SPATA2: variants seen among roughly 807,000 people sequenced by gnomAD.
The protein encoded by SPATA2 is spermatogenesis-associated protein 2.
In SPATA2, 8 loss-of-function variants were observed where a neutral mutation model predicts 35.4. That is an observed-to-expected ratio of 0.23 (90% CI 0.13 to 0.41). The LOEUF is 0.41. Among genes scored for constraint, SPATA2 ranks in the 10% least tolerant of loss-of-function variants. The pLI is 1.00. For missense variants in SPATA2, 650 were observed against 698.7 expected (o/e 0.93, Z 0.79); for synonymous variants, 293 against 300.9 (o/e 0.97, Z 0.27).
intron 1 of SPATA2, chr20:49,913,670 T>C (rs1189869696): frequency 6.6e-6 from 1 of 152,162 alleles, no homozygotes; most frequent in African/African-American, 2.4e-5. Context: ...AAAATTCCTG[T>C]AGTAGCAAAA....
At chr20:49,914,496 C>A (rs973283505) in intron 1 of SPATA2, among the ~76,000 whole-genome samples, 2 of 152,158 alleles carry the variant, frequency 1.3e-5, no homozygotes, top group African/African-American at 2.4e-5. Flanking sequence ...TCAACCCCCT[C>A]CACCTCCCCA....
In SPATA2 at chr20:49,905,675, G is replaced by A. The variant is rs1173485887; in HGVS notation, c.1507C>T (p.Pro503Ser). 3 of 1,614,236 alleles carry A rather than the reference G, an allele frequency of 1.9e-6. No individual in the cohort carries two copies. Among genetic ancestry groups the A allele is most frequent in the Non-Finnish European group, 2.5e-6 (3 of 1,180,042 alleles). The change falls in exon 3 of 3, where the codon CCC becomes TCC. Residue 503 changes from proline to serine, a missense_variant. Physicochemically the swap from Pro to Ser is moderately conservative, Grantham distance 74. Coordinates refer to ENST00000289431, the MANE Select transcript of SPATA2 (RefSeq NM_006038.4). ...GACTTGTAGTTCAGCTGGTTGTTGGGCATGAACTTGTGCAGCTCACTCTTT... is the reference window on the plus strand; with the variant it reads ...GACTTGTAGTTCAGCTGGTTGTTGGACATGAACTTGTGCAGCTCACTCTTT... ...YKKSELHKFMPNNQLNYKSTQ... is the reference protein window; with the variant it reads ...YKKSELHKFMSNNQLNYKSTQ...
Position 49,908,464 on chromosome 20 carries a change from A to G in SPATA2, c.27T>C (p.Thr9=), listed in dbSNP as rs1393741026. 6.2e-7 allele frequency: 1 copy of G among 1,603,750 alleles called. No homozygotes were observed. MGKPSSMD[T]KFKDDLFRKY... ...TCCGAAATAAGTCATCCTTGAATTT[A>G]GTATCCATTGAACTGGGCTTCCCCA... is the stretch of plus-strand genomic sequence containing the variant. The change falls in exon 2 of 3, where the codon ACT becomes ACC. Residue 9 remains threonine, a synonymous_variant. Coordinates refer to ENST00000289431, the MANE Select transcript of SPATA2 (RefSeq NM_006038.4).
At chr20:49,910,386 C>T (rs1275528001) in intron 1 of SPATA2, among the ~76,000 whole-genome samples, 1 of 152,216 alleles carries the variant, frequency 6.6e-6, no homozygotes, top group African/African-American at 2.4e-5. Context: ...TCCTTGATGG[C>T]CATTGCTGTT....
Position 49,906,231 on chromosome 20 carries a change from G to A in SPATA2, c.951C>T (p.Pro317=), listed in dbSNP as rs1241006534. 1.0e-5 allele frequency: 16 copies of A among 1,568,274 alleles called. No homozygotes were observed. The highest frequency in any genetic ancestry group is 1.4e-5 in the African/African-American group (1 of 74,062). Residue 317 remains proline (P), a synonymous_variant, in exon 3 of 3, where the codon CCC becomes CCT. Transcript: ENST00000289431. This position sits in a 1 kb window ranked among gnomAD's most constrained non-coding sequence, Gnocchi z 8.2. ...GSPDVLPPAS[P]SNGPALLRGT... ...CGCGCAGCAGGGCCGGGCCGTTGCTGGGGGAGGCGGGTGGAAGCACATCCG... is the reference window on the plus strand; with the variant it reads ...CGCGCAGCAGGGCCGGGCCGTTGCTAGGGGAGGCGGGTGGAAGCACATCCG...
rs1216647483 is a variant in SPATA2, at chr20:49,908,530, G to A, written c.-40C>T. The A allele has an allele frequency of 6.6e-7, 1 of 1,507,606 alleles. No individual in the cohort carries two copies. Among genetic ancestry groups the A allele is most frequent in the Non-Finnish European group, 9.0e-7 (1 of 1,107,442 alleles). 93.4% of individuals were successfully genotyped at this position (1,507,606 alleles called of 1,614,324 possible). A position where few individuals can be genotyped will look rare whatever the true frequency, so the allele number is the denominator to read the frequency against. On this transcript the variant is annotated 5_prime_UTR_variant, in exon 2 of 3. The change creates a premature stop within an existing upstream ORF in the 5' untranslated region. Transcript: ENST00000289431. ...CTACCTTATCTCCTCCATGGCTTCTGGATTAGAGGCAGGGACATCACTAAA... is the reference window on the plus strand; with the variant it reads ...CTACCTTATCTCCTCCATGGCTTCTAGATTAGAGGCAGGGACATCACTAAA...
At chr20:49,914,522 T>A (rs560051741) in intron 1 of SPATA2, among the ~76,000 whole-genome samples, 2 of 152,010 alleles carry the variant, frequency 1.3e-5, no homozygotes, top group Admixed American at 1.3e-4. Context: ...ACCAATGCAC[T>A]CGTTCCAAGC....
chr20:49,911,653 C>T (rs1302714523), intron 1 of SPATA2, among the ~76,000 whole-genome samples: 1 of 147,336 alleles, frequency 6.8e-6, no homozygotes, highest in Non-Finnish European at 1.5e-5. Context: ...GGCAACAGAG[C>T]GAGACTCCGT....
chr20:49,907,100 G>GT (rs2090150941), intron 2 of SPATA2, among the ~76,000 whole-genome samples: 1 of 152,194 alleles, frequency 6.6e-6, no homozygotes, highest in Non-Finnish European at 1.5e-5. Context: ...TCGCTCTTTT[G>GT]CCCAGGGTGG....
chr20:49,910,336 G>T (rs566227238), intron 1 of SPATA2, among the ~76,000 whole-genome samples: 1 of 152,224 alleles, frequency 6.6e-6, no homozygotes, highest in Non-Finnish European at 1.5e-5. Flanking sequence ...GATTATGCAT[G>T]ATGGAATATG....
chr20:49,905,540 A>C lies in SPATA2; in HGVS notation c.*79T>G. 1 of 1,503,080 alleles carries C rather than the reference A, an allele frequency of 6.7e-7. No homozygotes were observed. Among genetic ancestry groups the C allele is most frequent in the Non-Finnish European group, 9.1e-7 (1 of 1,101,304 alleles). 93.1% of individuals were successfully genotyped at this position (1,503,080 alleles called of 1,614,324 possible). A position where few individuals can be genotyped will look rare whatever the true frequency, so the allele number is the denominator to read the frequency against. Reference sequence around the variant, plus strand: ...AGTGCAGGCCTCCGCCTCTGAGATCAATGCGTTAGTACTTCTTCACCGTGA... The same window carrying C: ...AGTGCAGGCCTCCGCCTCTGAGATCCATGCGTTAGTACTTCTTCACCGTGA... On this transcript the variant is annotated 3_prime_UTR_variant, in exon 3 of 3. Coordinates refer to ENST00000289431, the MANE Select transcript of SPATA2 (RefSeq NM_006038.4).
rs1465534812 is a variant in SPATA2, at chr20:49,903,909, AT to A, written c.*1709del. The A allele has an allele frequency of 1.1e-4, 2 of 18,582 alleles. No individual in the cohort carries two copies. The highest frequency in any genetic ancestry group is 2.2e-4 in the Non-Finnish European group (2 of 9,078). The allele number at this position is 18,582 out of a possible 1,614,324, so 1.2% of individuals were successfully genotyped here. On this transcript the variant is annotated 3_prime_UTR_variant, in exon 3 of 3. Coordinates refer to ENST00000289431, the MANE Select transcript of SPATA2 (RefSeq NM_006038.4). Reference sequence around the variant, plus strand: ...CATGTGATCTACCAGATAGATATATATATATATATATATATATATATATATA... The same window carrying A: ...CATGTGATCTACCAGATAGATATATAATATATATATATATATATATATATA...
In SPATA2 at chr20:49,910,796, G is replaced by A. The variant is rs370510152; in HGVS notation, c.-102-2204C>T. Among the ~76,000 whole-genome samples, 23 of 152,296 alleles carry A rather than the reference G, an allele frequency of 1.5e-4. 1 individual carries two copies. Among genetic ancestry groups the A allele is most frequent in the African/African-American group, 4.6e-4 (19 of 41,552 alleles). Reference sequence around the variant, plus strand: ...AGACTCCTGGGAGTACTAATGGTGCGGTGAGAGGTGGGATGTGTAGCAAAA... The same window carrying A: ...AGACTCCTGGGAGTACTAATGGTGCAGTGAGAGGTGGGATGTGTAGCAAAA... On this transcript the variant is annotated intron_variant, in intron 1 of 2. Transcript: ENST00000289431.
rs751605327 is a variant in SPATA2 at position 49,906,892 on chromosome 20, A to G, written c.337-47T>C. 4 of 1,563,922 alleles carry G rather than the reference A, an allele frequency of 2.6e-6. No homozygotes were observed. In the South Asian group the frequency reaches 4.8e-5, roughly 19 times the overall value. On this transcript the variant is annotated intron_variant, in intron 2 of 2. Transcript: ENST00000289431. This position sits in a 1 kb window ranked among gnomAD's most constrained non-coding sequence, Gnocchi z 8.2. ...AGAAAGGTGGGGTTTTCTGTCAGAG[A>G]CACAAGACAGAGACTATGTCAAAGC...
At position 49,903,882 on chromosome 20, in the gene SPATA2, T is replaced by A. The variant is rs937147663; in HGVS notation, c.*1737A>T. On this transcript the variant is annotated 3_prime_UTR_variant, in exon 3 of 3. Coordinates refer to ENST00000289431, the MANE Select transcript of SPATA2 (RefSeq NM_006038.4). Reference sequence around the variant, plus strand: ...CAGCTTAATATACACACTGTACATCTACATGTGATCTACCAGATAGATATA... The same window carrying A: ...CAGCTTAATATACACACTGTACATCAACATGTGATCTACCAGATAGATATA... 4.2e-5 allele frequency: 6 copies of A among 141,728 alleles called. No homozygotes were observed. Among genetic ancestry groups the A allele is most frequent in the African/African-American group, 1.3e-4 (5 of 37,122 alleles). The allele number at this position is 141,728 out of a possible 1,614,324, so 8.8% of individuals were successfully genotyped here.
chr20:49,915,055 T>C (rs2090201876), intron 1 of SPATA2, among the ~76,000 whole-genome samples: 1 of 152,184 alleles, frequency 6.6e-6, no homozygotes, highest in Non-Finnish European at 1.5e-5. Flanking sequence ...GAGCCTGAAC[T>C]GGGAACCCCT....
chr20:49,907,032 T>C (rs1234087861), intron 2 of SPATA2, among the ~76,000 whole-genome samples, 187 bp from the exon 3 acceptor site: 1 of 152,184 alleles, frequency 6.6e-6, no homozygotes, highest in African/African-American at 2.4e-5. Flanking sequence ...TGCTAAGCAC[T>C]CAGGAATTGT....
chr20:49,915,431 C>G lies in SPATA2; in HGVS notation c.-154G>C, dbSNP rs1439031971. On this transcript the variant is annotated 5_prime_UTR_variant, in exon 1 of 3. Coordinates refer to ENST00000289431, the MANE Select transcript of SPATA2 (RefSeq NM_006038.4). Reference sequence around the variant, plus strand: ...GGCCGAGGGAAGCAAGCGAGAGGCGCGGCTGCCGCCGGAGCCGGGCCCCGT... The same window carrying G: ...GGCCGAGGGAAGCAAGCGAGAGGCGGGGCTGCCGCCGGAGCCGGGCCCCGT... 6.6e-6 allele frequency: 1 copy of G among 152,216 alleles called. No individual in the cohort carries two copies. Among genetic ancestry groups the G allele is most frequent in the Non-Finnish European group, 1.5e-5 (1 of 68,046 alleles). 9.4% of individuals were successfully genotyped at this position (152,216 alleles called of 1,614,324 possible).
At chr20:49,913,243 C>T (rs944803608) in intron 1 of SPATA2, among the ~76,000 whole-genome samples, 1 of 152,226 alleles carries the variant, frequency 6.6e-6, no homozygotes, top group East Asian at 1.9e-4. Context: ...ACAGGCTCTT[C>T]CCATTAAAAC....
Sources: gnomAD v4.1 joint callset for allele counts (sites outside exome capture counted in the v4.1 genomes callset) on GRCh38, gnomAD v4.1.1 for gene constraint, Gnocchi (gnomAD v3.1) non-coding constraint, MANE v1.5 for transcripts, NCBI Gene and HGNC (gene_info 2026-07-23, HGNC 2026-07-21) for gene names.